Variants in ADAMTS20 observed in about 807,000 individuals in gnomAD.
ADAMTS20 encodes the protein ADAM metallopeptidase with thrombospondin type 1 motif 20, also known as A disintegrin and metalloproteinase with thrombospondin motifs 20.
A neutral mutation model predicts 260.1 loss-of-function variants in ADAMTS20; 225 were observed. The observed-to-expected ratio is 0.87, with a 90% CI of 0.78 to 0.97. The LOEUF is 0.97. Ranked by LOEUF, ADAMTS20 falls within the 50% of genes least tolerant of loss-of-function variation. ADAMTS20 has a pLI of 0.00. For synonymous variants in ADAMTS20, 802 were observed against 769.5 expected (o/e 1.04, Z -0.70); for missense variants, 2,400 against 2,337.7 (o/e 1.03, Z -0.55).
chr12:43,551,402 T>C lies in ADAMTS20; in HGVS notation c.92-132A>G. 7.7e-7 allele frequency: 1 copy of C among 1,296,260 alleles called. No homozygotes were observed. The highest frequency in any genetic ancestry group is 1.9e-4 in the Middle Eastern group (1 of 5,220). The allele number at this position is 1,296,260 out of a possible 1,614,324, so 80.3% of individuals were successfully genotyped here. On this transcript the variant is annotated intron_variant, in intron 1 of 38. Coordinates refer to ENST00000389420, the MANE Select transcript of ADAMTS20 (RefSeq NM_025003.5). This position sits in a 1 kb window ranked among gnomAD's most constrained non-coding sequence, Gnocchi z 4.6. The stretch of plus-strand genomic sequence containing the variant: ...GCCAGGGGCAAGACAAATGCACACA[T>C]GCTGATGCGCACGCACACACACACA...
intron 36 of ADAMTS20, among the ~76,000 whole-genome samples, chr12:43,372,118 C>G (rs924782475): frequency 1.3e-5 from 2 of 152,066 alleles, no homozygotes; most frequent in Admixed American, 6.5e-5. Context: ...GGGTAGCAAT[C>G]CAAGCTGGAA....
intron 31 of ADAMTS20, among the ~76,000 whole-genome samples, chr12:43,381,084 C>T (rs1038962172): frequency 6.6e-6 from 1 of 152,056 alleles, no homozygotes; most frequent in Non-Finnish European, 1.5e-5. Context: ...TAAACCAATA[C>T]ATTTATGGTC....
At chr12:43,512,802 A>G (rs1331103520) in intron 3 of ADAMTS20, among the ~76,000 whole-genome samples, 1 of 152,198 alleles carries the variant, frequency 6.6e-6, no homozygotes, top group Non-Finnish European at 1.5e-5. Context: ...ACAGCCACCA[A>G]CTGAATAAAT....
At chr12:43,488,990 T>C (rs1209016518) in intron 7 of ADAMTS20, among the ~76,000 whole-genome samples, 1 of 152,110 alleles carries the variant, frequency 6.6e-6, no homozygotes, top group Non-Finnish European at 1.5e-5. Flanking sequence ...CTTTCAGTTA[T>C]TGTACGTGCA....
At chr12:43,396,368 T>A (rs1592046890) in intron 29 of ADAMTS20, among the ~76,000 whole-genome samples, 1 of 152,186 alleles carries the variant, frequency 6.6e-6, no homozygotes, top group Admixed American at 6.6e-5. Flanking sequence ...ATTAAGGTAA[T>A]GTTACAATTT....
In ADAMTS20 at chr12:43,364,207, CAAAG is replaced by C. The variant is rs1939935161; in HGVS notation, c.5538+5079_5538+5082del. Among the ~76,000 whole-genome samples the C allele has an allele frequency of 2.0e-5, 3 of 152,118 alleles. No homozygotes were observed. The South Asian group carries it at 6.2e-4, about 32-fold the overall frequency. ...CAGGTAATTAAAAAAAATACACAAA[CAAAG>C]AAGTAAACGATAACCATAACAAGAA... On this transcript the variant is annotated intron_variant, in intron 37 of 38. Transcript: ENST00000389420.
intron 37 of ADAMTS20, among the ~76,000 whole-genome samples, chr12:43,367,962 C>T (rs570837017): frequency 3.3e-5 from 5 of 152,004 alleles, no homozygotes; most frequent in Admixed American, 2.6e-4. Context: ...AACCTACTGC[C>T]CTATTAATGC....
At chr12:43,409,579 G>C (rs1465940781) in intron 28 of ADAMTS20, among the ~76,000 whole-genome samples, 2 of 105,684 alleles carry the variant, frequency 1.9e-5, no homozygotes, top group African/African-American at 4.3e-5. Context: ...TCCAGCCTGG[G>C]CGACAGAGCG....
At position 43,504,913 on chromosome 12, in the gene ADAMTS20, A is replaced by G. The variant is rs573814743; in HGVS notation, c.614-2508T>C. 1.9e-3 allele frequency among the ~76,000 whole-genome samples: 282 copies of G among 152,332 alleles called. 1 individual carries two copies. Among genetic ancestry groups the G allele is most frequent in the African/African-American group, 6.5e-3 (271 of 41,580 alleles). On this transcript the variant is annotated intron_variant, in intron 3 of 38. Coordinates refer to ENST00000389420, the MANE Select transcript of ADAMTS20 (RefSeq NM_025003.5). Reference sequence around the variant, plus strand: ...CAATCACTTTGAAAACCAATCTGGCAAATTTTAAATTAGACATGCATCTAC... The same window carrying G: ...CAATCACTTTGAAAACCAATCTGGCGAATTTTAAATTAGACATGCATCTAC...
At chr12:43,394,048 G>A (rs1238512648) in intron 29 of ADAMTS20, among the ~76,000 whole-genome samples, 1 of 152,072 alleles carries the variant, frequency 6.6e-6, no homozygotes, top group Non-Finnish European at 1.5e-5. Flanking sequence ...ATGTGAGAAA[G>A]TATGAAGATG....
rs749165952 is a variant in ADAMTS20, at chr12:43,462,878, C to G, written c.1614+17G>C. On this transcript the variant is annotated intron_variant, in intron 11 of 38. Coordinates refer to ENST00000389420, the MANE Select transcript of ADAMTS20 (RefSeq NM_025003.5). ...GATAATATCTTCATACAAGACTCAC[C>G]CTTCAAGAAAACCTACCATTCCAGG... The G allele has an allele frequency of 4.4e-6, 7 of 1,579,502 alleles. No homozygotes were observed. Among genetic ancestry groups the G allele is most frequent in the Non-Finnish European group, 6.0e-6 (7 of 1,158,188 alleles).
rs181272702 is a variant in ADAMTS20, at chr12:43,356,550, C to T, written c.5577G>A (p.Lys1859=). The change falls in exon 38 of 39, where the codon AAG becomes AAA. Residue 1859 remains lysine (K), a synonymous_variant. Coordinates refer to ENST00000389420, the MANE Select transcript of ADAMTS20 (RefSeq NM_025003.5). ...FSINLSGTGM[K]ISSTAKWLTQ... ...TGAGCCACTTTGCTGTGCTGGATAT[C>T]TTCATCCCAGTTCCTGACAAATTAA... is the stretch of plus-strand genomic sequence containing the variant. The T allele has an allele frequency of 1.1e-5, 17 of 1,612,252 alleles. No homozygotes were observed. The Admixed American group carries it at 2.7e-4, about 25-fold the overall frequency.
At chr12:43,442,896 T>C (rs1429807581) in intron 16 of ADAMTS20, among the ~76,000 whole-genome samples, 2 of 152,188 alleles carry the variant, frequency 1.3e-5, no homozygotes, top group Non-Finnish European at 2.9e-5. Flanking sequence ...ATCACCTCTA[T>C]CTAGTTCCAA....
chr12:43,501,095 G>C lies in ADAMTS20; in HGVS notation c.867+1057C>G, dbSNP rs1942752949. Among the ~76,000 whole-genome samples, 5 of 104,098 alleles carry C rather than the reference G, an allele frequency of 4.8e-5. No homozygotes were observed. In the Admixed American group the frequency reaches 7.3e-4, roughly 15 times the overall value. 68.3% of individuals were successfully genotyped at this position (104,098 alleles called of 152,430 possible). On this transcript the variant is annotated intron_variant, in intron 4 of 38. Transcript: ENST00000389420. Reference sequence around the variant, plus strand: ...TTTTTTGAGTCATAGTTTCACTCTTGTTGCGCAGGCTGGAGTGCAATGGCA... The same window carrying C: ...TTTTTTGAGTCATAGTTTCACTCTTCTTGCGCAGGCTGGAGTGCAATGGCA...
intron 28 of ADAMTS20, among the ~76,000 whole-genome samples, chr12:43,411,340 A>G (rs1941027175): frequency 6.7e-6 from 1 of 149,180 alleles, no homozygotes; most frequent in Non-Finnish European, 1.5e-5. Flanking sequence ...ATTGGTTTTC[A>G]AAAAGCATCT....
chr12:43,424,354 A>C (rs1592061072), intron 28 of ADAMTS20, among the ~76,000 whole-genome samples: 1 of 152,102 alleles, frequency 6.6e-6, no homozygotes, highest in South Asian at 2.1e-4. Context: ...AGTTTTGTCT[A>C]TGGCTCCAAT....
chr12:43,470,856 T>A (rs1364669664), intron 7 of ADAMTS20, among the ~76,000 whole-genome samples: 1 of 152,220 alleles, frequency 6.6e-6, no homozygotes, highest in African/African-American at 2.4e-5. Flanking sequence ...AATACTAACA[T>A]TTGCATTAAT....
chr12:43,435,057 G>A (rs919909962), intron 18 of ADAMTS20, among the ~76,000 whole-genome samples: 1 of 152,126 alleles, frequency 6.6e-6, no homozygotes, highest in African/African-American at 2.4e-5. Flanking sequence ...AAAGAGATTT[G>A]TAGGGCAGTG....
chr12:43,368,913 G>A (rs76814147), intron 37 of ADAMTS20, among the ~76,000 whole-genome samples: 3,409 of 152,184 alleles, frequency 0.022, 57 homozygotes, highest in East Asian at 0.084. Context: ...GGACGTTACA[G>A]ACCCAGGAAG....
Sources: gnomAD v4.1 joint callset for allele counts (sites outside exome capture counted in the v4.1 genomes callset) on GRCh38, gnomAD v4.1.1 for gene constraint, Gnocchi (gnomAD v3.1) non-coding constraint, MANE v1.5 for transcripts, NCBI Gene and HGNC (gene_info 2026-07-23, HGNC 2026-07-21) for gene names.